Variants in PDE5A observed in about 807,000 individuals in gnomAD.
PDE5A encodes cGMP-specific 3',5'-cyclic phosphodiesterase.
Under a neutral mutation model 110.2 loss-of-function variants are expected in PDE5A, and 67 were observed. The ratio of observed to expected loss-of-function variants is 0.61; its 90% confidence interval spans 0.50 to 0.75. The LOEUF is 0.75. PDE5A is among the 30% of genes least tolerant of loss of function. The pLI, the probability that PDE5A is intolerant of heterozygous loss-of-function variation, is 0.00. For missense variants in PDE5A, 862 were observed against 1,045.1 expected (o/e 0.82, Z 2.42); for synonymous variants, 328 against 351.2 (o/e 0.93, Z 0.74).
intron 3 of PDE5A, among the ~76,000 whole-genome samples, chr4:119,581,928 C>G (rs866139402): frequency 3.9e-5 from 6 of 152,190 alleles, no homozygotes; most frequent in Admixed American, 1.3e-4. Context: ...TAGTCTTTAG[C>G]TAGCTATAAA....
intron 1 of PDE5A, among the ~76,000 whole-genome samples, chr4:119,613,037 T>A (rs1729812104): frequency 6.6e-6 from 1 of 152,190 alleles, no homozygotes; most frequent in Non-Finnish European, 1.5e-5. Flanking sequence ...ATATTCTGAA[T>A]TAAGAAAGCC....
At chr4:119,539,682 G>A (rs944514490) in intron 10 of PDE5A, among the ~76,000 whole-genome samples, 1 of 152,070 alleles carries the variant, frequency 6.6e-6, no homozygotes, top group Non-Finnish European at 1.5e-5. Flanking sequence ...CCTAGTGAGA[G>A]GACAAGGAGA....
intron 3 of PDE5A, 101 bp from the exon 4 acceptor site, chr4:119,567,245 A>G: frequency 1.2e-6 from 1 of 824,046 alleles, no homozygotes; most frequent in South Asian, 1.5e-5. Context: ...ATGTGCTTTA[A>G]AATAACACTA....
chr4:119,569,539 T>A (rs1728070220), intron 3 of PDE5A, among the ~76,000 whole-genome samples: 1 of 151,928 alleles, frequency 6.6e-6, no homozygotes, highest in South Asian at 2.1e-4. Flanking sequence ...AAGAGACTAT[T>A]AGACCAGGAA....
At chr4:119,509,303 A>G (rs564409403) in intron 15 of PDE5A, among the ~76,000 whole-genome samples, 14 of 152,072 alleles carry the variant, frequency 9.2e-5, no homozygotes, top group Non-Finnish European at 1.8e-4. Context: ...AGGACATTAA[A>G]GATGGACAAA....
chr4:119,525,483 TTCTC>T lies in PDE5A; in HGVS notation c.1779+62_1779+65del, dbSNP rs571267794. ...ATTCCATATTTGCATTCAAAACCAA[TTCTC>T]TCTCTTACATACACACACACATACA... On this transcript the variant is annotated intron_variant, in intron 12 of 20. Coordinates refer to ENST00000354960, the MANE Select transcript of PDE5A (RefSeq NM_001083.4). This position sits in a 1 kb window ranked among gnomAD's most constrained non-coding sequence, Gnocchi z 4.3. 3.4e-4 allele frequency: 490 copies of T among 1,442,412 alleles called. 9 individuals are homozygous for T. The South Asian group carries it at 6.7e-3, about 20-fold the overall frequency. The allele number at this position is 1,442,412 out of a possible 1,614,324, so 89.4% of individuals were successfully genotyped here. A position where few individuals can be genotyped will look rare whatever the true frequency, so the allele number is the denominator to read the frequency against.
intron 20 of PDE5A, among the ~76,000 whole-genome samples, chr4:119,499,331 A>G (rs1017641108): frequency 1.3e-5 from 2 of 152,330 alleles, no homozygotes; most frequent in South Asian, 4.1e-4. Context: ...ATAAAAAAAT[A>G]AAAAGAAACC....
At chr4:119,593,598 C>T (rs1198254713) in intron 3 of PDE5A, among the ~76,000 whole-genome samples, 1 of 152,174 alleles carries the variant, frequency 6.6e-6, no homozygotes, top group Non-Finnish European at 1.5e-5. Flanking sequence ...AGGAGATCAA[C>T]TATGAAGGGG....
At chr4:119,533,981 G>T (rs554285094) in intron 11 of PDE5A, among the ~76,000 whole-genome samples, 1 of 152,196 alleles carries the variant, frequency 6.6e-6, no homozygotes, top group East Asian at 1.9e-4. Context: ...TCATATTTTG[G>T]AGCTAAGCTT....
At chr4:119,614,551 C>T (rs1000123720) in intron 1 of PDE5A, among the ~76,000 whole-genome samples, 3 of 152,130 alleles carry the variant, frequency 2.0e-5, no homozygotes, top group Non-Finnish European at 2.9e-5. Context: ...TCATTGAGAG[C>T]GCACAAAGGA....
At chr4:119,521,179 C>T (rs992279034) in intron 12 of PDE5A, 119 bp from the exon 13 acceptor site, 5 of 1,063,976 alleles carry the variant, frequency 4.7e-6, no homozygotes, top group Admixed American at 5.1e-5. Flanking sequence ...GATCATCTTA[C>T]AGACAAGAAA....
chr4:119,618,785 T>G (rs1730034541), intron 1 of PDE5A, among the ~76,000 whole-genome samples: 1 of 152,178 alleles, frequency 6.6e-6, no homozygotes, highest in Non-Finnish European at 1.5e-5. Flanking sequence ...TTTTAATATC[T>G]GATAAAACAA....
chr4:119,597,097 C>T (rs1217663523), intron 2 of PDE5A, among the ~76,000 whole-genome samples: 1 of 152,086 alleles, frequency 6.6e-6, no homozygotes, highest in Non-Finnish European at 1.5e-5. Flanking sequence ...CACATATATA[C>T]ACAATCTCAT....
At chr4:119,533,390 C>T (rs1726612456) in intron 11 of PDE5A, among the ~76,000 whole-genome samples, 1 of 152,138 alleles carries the variant, frequency 6.6e-6, no homozygotes, top group Non-Finnish European at 1.5e-5. Context: ...AGACCATTAT[C>T]TCTTTTCTCC....
chr4:119,580,066 T>C (rs1728533916), intron 3 of PDE5A, among the ~76,000 whole-genome samples: 1 of 151,920 alleles, frequency 6.6e-6, no homozygotes, highest in South Asian at 2.1e-4. Flanking sequence ...CCTCTGGGGG[T>C]CAGTAGCTGT....
In PDE5A at chr4:119,628,776, G is replaced by T. The variant is rs201503376; in HGVS notation, c.-105C>A. ...CTCGGCCTCGAGACCCTCCCCCTTC[G>T]TCCTGCTCCAGTCGGGCCGGCTTTC... On this transcript the variant is annotated 5_prime_UTR_variant, in exon 1 of 21. Coordinates refer to ENST00000354960, the MANE Select transcript of PDE5A (RefSeq NM_001083.4). 82 of 1,489,490 alleles carry T rather than the reference G, an allele frequency of 5.5e-5. No individual in the cohort carries two copies. Among genetic ancestry groups the T allele is most frequent in the Middle Eastern group, 1.7e-4 (1 of 5,862 alleles). The allele number at this position is 1,489,490 out of a possible 1,614,324, so 92.3% of individuals were successfully genotyped here.
intron 1 of PDE5A, among the ~76,000 whole-genome samples, chr4:119,624,593 A>G (rs1730273358): frequency 6.6e-6 from 1 of 152,238 alleles, no homozygotes; most frequent in Non-Finnish European, 1.5e-5. Flanking sequence ...TATTTCCAGT[A>G]TATGCCAAAT....
At chr4:119,542,934 T>C (rs1726993974) in intron 9 of PDE5A, among the ~76,000 whole-genome samples, 1 of 152,032 alleles carries the variant, frequency 6.6e-6, no homozygotes, top group Non-Finnish European at 1.5e-5. Context: ...AATTTGTCCT[T>C]TGGAAGCTAA....
In PDE5A at chr4:119,496,247, A is replaced by C. The variant is rs192104550; in HGVS notation, c.*2354T>G. On this transcript the variant is annotated 3_prime_UTR_variant, in exon 21 of 21. Transcript: ENST00000354960. ...ACTTCTTGCTAGTTATGGGTAATATAAATACAGAGTAAGGTGAAGGAGGAC... is the reference window on the plus strand; with the variant it reads ...ACTTCTTGCTAGTTATGGGTAATATCAATACAGAGTAAGGTGAAGGAGGAC... The C allele has an allele frequency of 6.6e-5, 10 of 152,274 alleles. No homozygotes were observed. Among genetic ancestry groups the C allele is most frequent in the African/African-American group, 2.4e-4 (10 of 41,568 alleles). The allele number at this position is 152,274 out of a possible 1,614,324, so 9.4% of individuals were successfully genotyped here.
Sources: allele counts gnomAD v4.1 joint callset (sites outside exome capture counted in the v4.1 genomes callset), GRCh38; gene constraint gnomAD v4.1.1; non-coding constraint Gnocchi (gnomAD v3.1); transcripts MANE v1.5; gene names NCBI Gene and HGNC (gene_info 2026-07-23, HGNC 2026-07-21).